The following SLC25A30 variants were observed in gnomAD, a reference collection of about 807,000 sequenced individuals.
SLC25A30 encodes the protein solute carrier family 25 member 30.
Under a neutral mutation model 42.7 loss-of-function variants are expected in SLC25A30, and 29 were observed. The ratio of observed to expected loss-of-function variants is 0.68; its 90% CI spans 0.51 to 0.93. SLC25A30 has a LOEUF of 0.93. Among genes scored for constraint, SLC25A30 ranks in the 40% least tolerant of loss-of-function variants. The pLI, the probability that SLC25A30 is intolerant of heterozygous loss-of-function variation, is 0.00. For missense variants in SLC25A30, 300 were observed against 359.7 expected (o/e 0.83, Z 1.34); for synonymous variants, 124 against 131.0 (o/e 0.95, Z 0.37).
chr13:45,393,486 A>G lies in SLC25A30; in HGVS notation c.*2488T>C, dbSNP rs758539077. The G allele has an allele frequency of 1.9e-5, 19 of 985,010 alleles. No homozygotes were observed. Among genetic ancestry groups the G allele is most frequent in the Non-Finnish European group, 1.9e-5 (16 of 829,658 alleles). 61.0% of individuals were successfully genotyped at this position (985,010 alleles called of 1,614,324 possible). Reference sequence around the variant, plus strand: ...CACATGAATAAATATAAAGGACAGGAGCCACTTTTTATATTATGAATCCAC... The same window carrying G: ...CACATGAATAAATATAAAGGACAGGGGCCACTTTTTATATTATGAATCCAC... On this transcript the variant is annotated 3_prime_UTR_variant, in exon 10 of 10. Transcript: ENST00000519676.
At chr13:45,407,181 T>G (rs1396301022) in intron 3 of SLC25A30, among the ~76,000 whole-genome samples, 1 of 152,076 alleles carries the variant, frequency 6.6e-6, no homozygotes. Flanking sequence ...GTGGATCACT[T>G]GAGGTCAGGA....
intron 1 of SLC25A30, among the ~76,000 whole-genome samples, chr13:45,417,356 T>A (rs1414956732): frequency 6.6e-6 from 1 of 152,234 alleles, no homozygotes; most frequent in Non-Finnish European, 1.5e-5. Context: ...TTTTACTTCC[T>A]GTTCCCTTTT....
intron 8 of SLC25A30, 21 bp downstream of exon 8, chr13:45,398,919 G>A (rs1019910401): frequency 6.2e-7 from 1 of 1,609,058 alleles, no homozygotes; most frequent in Admixed American, 1.7e-5. Flanking sequence ...CAACCCTGCA[G>A]AGACAGACAT....
the SLC25A30 span, among the ~76,000 whole-genome samples, chr13:45,424,714 T>G: frequency 1.1e-4 from 7 of 64,260 alleles, 1 homozygote; most frequent in African/African-American, 4.1e-4. Context: ...TAAATACATA[T>G]ATAAATATAT....
chr13:45,422,809 A>T (rs1883921736), upstream of SLC25A30, among the ~76,000 whole-genome samples: 1 of 151,916 alleles, frequency 6.6e-6, no homozygotes, highest in African/African-American at 2.4e-5. Flanking sequence ...ACACAGGGAT[A>T]CTCCCTTTTA....
At chr13:45,429,426 G>A in the SLC25A30 span, among the ~76,000 whole-genome samples, 2 of 151,976 alleles carry the variant, frequency 1.3e-5, no homozygotes, top group Admixed American at 6.6e-5. Context: ...GAAAGCTAAT[G>A]GAGGATATTC....
chr13:45,432,141 G>A, the SLC25A30 span, among the ~76,000 whole-genome samples: 5 of 151,790 alleles, frequency 3.3e-5, no homozygotes, highest in East Asian at 1.9e-4. Context: ...ATGGTAGTGC[G>A]CACCTGTAAT....
chr13:45,421,144 C>T (rs922250140), upstream of SLC25A30, among the ~76,000 whole-genome samples: 21 of 151,848 alleles, frequency 1.4e-4, no homozygotes, highest in South Asian at 4.2e-4. Flanking sequence ...TTTGGGAGGC[C>T]GAAGCAGGTG....
chr13:45,405,871 T>C lies in SLC25A30; in HGVS notation c.307+12A>G. The C allele has an allele frequency of 6.2e-7, 1 of 1,613,430 alleles. No individual in the cohort carries two copies. The highest frequency in any genetic ancestry group is 1.3e-5 in the African/African-American group (1 of 75,020). ...CCTCCTGTCCACAGTGGAAAACAGA[T>C]TCCCCACTCACCTTCTGGGCGTTCA... On this transcript the variant is annotated intron_variant, in intron 4 of 9. Coordinates refer to ENST00000519676, the MANE Select transcript of SLC25A30 (RefSeq NM_001010875.4).
chr13:45,424,400 T>A, the SLC25A30 span, among the ~76,000 whole-genome samples: 473 of 68,174 alleles, frequency 6.9e-3, 12 homozygotes, highest in African/African-American at 0.027. Context: ...AATATATAAA[T>A]ATATAAAAAT....
chr13:45,410,760 C>T (rs1046874090), intron 2 of SLC25A30, among the ~76,000 whole-genome samples: 3 of 152,182 alleles, frequency 2.0e-5, no homozygotes, highest in Non-Finnish European at 4.4e-5. Context: ...TGGAGTGAGC[C>T]GAGATCAGAC....
chr13:45,431,204 C>T, the SLC25A30 span, among the ~76,000 whole-genome samples: 3 of 150,054 alleles, frequency 2.0e-5, no homozygotes, highest in African/African-American at 7.4e-5. Context: ...TGTACCACCA[C>T]ACCCGGCTAA....
chr13:45,425,291 T>G, the SLC25A30 span, among the ~76,000 whole-genome samples: 1 of 99,134 alleles, frequency 1.0e-5, no homozygotes, highest in Non-Finnish European at 1.7e-5. Context: ...TATATGTACG[T>G]ATATATACGT....
At chr13:45,427,302 A>G in the SLC25A30 span, among the ~76,000 whole-genome samples, 3 of 152,124 alleles carry the variant, frequency 2.0e-5, no homozygotes, top group Admixed American at 6.5e-5. Flanking sequence ...TTGTCTGCCT[A>G]AAGTCTGGAT....
chr13:45,405,742 T>C, intron 4 of SLC25A30, 141 bp downstream of exon 4: 1 of 660,912 alleles, frequency 1.5e-6, no homozygotes, highest in Non-Finnish European at 2.6e-6. Flanking sequence ...TCAGCACAAT[T>C]AACTAAGACT....
At chr13:45,419,476 G>T (rs1048918292), upstream of SLC25A30, among the ~76,000 whole-genome samples, 1 of 149,152 alleles carries the variant, frequency 6.7e-6, no homozygotes, top group Admixed American at 6.7e-5. Flanking sequence ...CCATCACCAC[G>T]TCCGGCTAAT....
the SLC25A30 span, among the ~76,000 whole-genome samples, chr13:45,423,721 AAT>A: frequency 3.9e-4 from 3 of 7,788 alleles, no homozygotes; most frequent in African/African-American, 1.2e-3. Flanking sequence ...AACATATATA[AAT>A]ATATATAAAT....
At chr13:45,411,311 AAC>A (rs747421136) in intron 2 of SLC25A30, 49 bp downstream of exon 2, 4 of 1,290,664 alleles carry the variant, frequency 3.1e-6, no homozygotes, top group Non-Finnish European at 4.5e-6. Flanking sequence ...ATTCACATCA[AAC>A]ACCATCACAT....
chr13:45,399,405 C>T lies in SLC25A30; in HGVS notation c.615-327G>A, dbSNP rs543957428. ...TGTATTTTTATTAGAGACGGGGTTT[C>T]GCCATGTTGGCCAGGCTGATCTCAG... On this transcript the variant is annotated intron_variant, in intron 7 of 9. Coordinates refer to ENST00000519676, the MANE Select transcript of SLC25A30 (RefSeq NM_001010875.4). Among the ~76,000 whole-genome samples, 16 of 152,246 alleles carry T rather than the reference C, an allele frequency of 1.1e-4. No homozygotes were observed. The South Asian group carries it at 3.1e-3, about 30-fold the overall frequency.
Sources: allele counts gnomAD v4.1 joint callset (sites outside exome capture counted in the v4.1 genomes callset), GRCh38; gene constraint gnomAD v4.1.1; transcripts MANE v1.5; gene names NCBI Gene and HGNC (gene_info 2026-07-23, HGNC 2026-07-21).